NRG3: variants seen among roughly 807,000 people sequenced by gnomAD.
The protein encoded by NRG3 is pro-neuregulin-3, membrane-bound isoform.
In NRG3, 31 loss-of-function variants were observed where a neutral mutation model predicts 66.9. The observed-to-expected ratio is 0.46, with a 90% confidence interval of 0.35 to 0.63. The LOEUF (loss-of-function observed/expected upper bound fraction) is 0.63. Among genes scored for constraint, NRG3 ranks in the 20% least tolerant of loss-of-function variants. The pLI is 0.00. For synonymous variants in NRG3, 393 were observed against 359.4 expected (o/e 1.09, Z -1.06); for missense variants, 910 against 878.9 (o/e 1.04, Z -0.45).
chr10:82,585,606 A>G (rs1590772246), intron 2 of NRG3, among the ~76,000 whole-genome samples: 1 of 152,186 alleles, frequency 6.6e-6, no homozygotes, highest in Non-Finnish European at 1.5e-5. Context: ...AGATTCTTAA[A>G]TAGCCATTGC....
chr10:82,359,758 T>A (rs1184918347), intron 2 of NRG3, among the ~76,000 whole-genome samples: 1 of 152,184 alleles, frequency 6.6e-6, no homozygotes, highest in Non-Finnish European at 1.5e-5. Context: ...ACACAGTTAT[T>A]AAATTAATTA....
intron 1 of NRG3, among the ~76,000 whole-genome samples, chr10:82,245,260 G>C (rs191589749): frequency 1.3e-5 from 2 of 152,014 alleles, no homozygotes; most frequent in South Asian, 4.1e-4. Context: ...TTCACAATAG[G>C]GTTCTCACTC....
chr10:82,050,058 A>T (rs1259914619), intron 1 of NRG3, among the ~76,000 whole-genome samples: 1 of 151,968 alleles, frequency 6.6e-6, no homozygotes, highest in African/African-American at 2.4e-5. Flanking sequence ...GTTTTCTCTG[A>T]AACTTCAGTT....
intron 1 of NRG3, among the ~76,000 whole-genome samples, chr10:82,303,833 C>CACCA (rs1364635336): frequency 1.3e-5 from 2 of 151,890 alleles, no homozygotes; most frequent in Admixed American, 1.3e-4. Flanking sequence ...CACCACTGCA[C>CACCA]ACCAGCCTGG....
chr10:82,842,402 A>C (rs889243678), intron 3 of NRG3, among the ~76,000 whole-genome samples: 1 of 152,182 alleles, frequency 6.6e-6, no homozygotes, highest in Non-Finnish European at 1.5e-5. Flanking sequence ...AAAGTTGATG[A>C]AGCTGCATCA....
intron 1 of NRG3, among the ~76,000 whole-genome samples, chr10:82,084,235 A>AG (rs1286093124): frequency 1.3e-5 from 2 of 151,548 alleles, no homozygotes; most frequent in Non-Finnish European, 2.9e-5. Flanking sequence ...CTCAAAAACA[A>AG]AAAAGACACA....
intron 1 of NRG3, among the ~76,000 whole-genome samples, chr10:81,925,982 C>T (rs1389146635): frequency 1.3e-5 from 2 of 151,990 alleles, no homozygotes; most frequent in Non-Finnish European, 2.9e-5. Flanking sequence ...TGCTGAAGGA[C>T]CATGTTCAGC....
intron 7 of NRG3, among the ~76,000 whole-genome samples, chr10:82,976,772 C>T (rs1215573099): frequency 6.6e-6 from 1 of 152,066 alleles, no homozygotes; most frequent in East Asian, 1.9e-4. Context: ...ACTTGTGTCC[C>T]CTTCCTCCCT....
intron 2 of NRG3, among the ~76,000 whole-genome samples, chr10:82,378,816 C>A (rs2085427198): frequency 6.6e-6 from 1 of 152,044 alleles, no homozygotes; most frequent in Non-Finnish European, 1.5e-5. Flanking sequence ...GGTGATCCAC[C>A]CACCTCGGCC....
intron 1 of NRG3, among the ~76,000 whole-genome samples, chr10:81,967,121 C>T (rs2059760689): frequency 6.6e-6 from 1 of 151,442 alleles, no homozygotes; most frequent in African/African-American, 2.4e-5. Context: ...TTTAATAGGT[C>T]CCTAATATTC....
chr10:82,583,738 C>G (rs545694289), intron 2 of NRG3, among the ~76,000 whole-genome samples: 14 of 152,278 alleles, frequency 9.2e-5, no homozygotes, highest in African/African-American at 3.4e-4. Flanking sequence ...GGGCCTTCCA[C>G]TCGGTTGAGT....
intron 2 of NRG3, among the ~76,000 whole-genome samples, chr10:82,376,346 G>T (rs779482185): frequency 6.6e-6 from 1 of 152,204 alleles, no homozygotes; most frequent in Non-Finnish European, 1.5e-5. Context: ...TCCATGGGTA[G>T]CCCTGGTTGA....
chr10:82,646,986 T>G (rs1235768115), intron 2 of NRG3, among the ~76,000 whole-genome samples: 1 of 151,876 alleles, frequency 6.6e-6, no homozygotes. Context: ...CACCTTTATT[T>G]TTTTATGTTC....
chr10:81,876,533 A>G (rs1009299806), intron 1 of NRG3, among the ~76,000 whole-genome samples: 3 of 152,068 alleles, frequency 2.0e-5, no homozygotes, highest in African/African-American at 7.2e-5. Flanking sequence ...CCAGGGAGGG[A>G]GAGAGGGCCT....
intron 1 of NRG3, among the ~76,000 whole-genome samples, chr10:82,122,283 C>A (rs1408912233): frequency 1.3e-5 from 2 of 152,168 alleles, no homozygotes; most frequent in Non-Finnish European, 1.5e-5. Context: ...TTCTTCATAG[C>A]AGTCAGAAAT....
intron 2 of NRG3, among the ~76,000 whole-genome samples, chr10:82,597,196 G>A (rs758349563): frequency 7.9e-5 from 12 of 152,192 alleles, no homozygotes; most frequent in Non-Finnish European, 1.5e-4. Flanking sequence ...ATGTTTGCAT[G>A]TGGGGGAGCA....
chr10:81,976,569 A>C (rs1423652477), intron 1 of NRG3, among the ~76,000 whole-genome samples: 1 of 152,206 alleles, frequency 6.6e-6, no homozygotes, highest in Non-Finnish European at 1.5e-5. Context: ...AATGGAAAGA[A>C]ACACATTTTT....
At chr10:82,291,311 A>G (rs1424154712) in intron 1 of NRG3, among the ~76,000 whole-genome samples, 1 of 152,212 alleles carries the variant, frequency 6.6e-6, no homozygotes, top group Non-Finnish European at 1.5e-5. Flanking sequence ...GTACATACTG[A>G]AAATTTAAAA....
chr10:82,667,143 T>A (rs1410102869), intron 2 of NRG3, among the ~76,000 whole-genome samples: 2 of 152,138 alleles, frequency 1.3e-5, no homozygotes, highest in African/African-American at 4.8e-5. Flanking sequence ...GGGACTATAG[T>A]CCTCTGAACT....
Sources: allele counts gnomAD v4.1 joint callset (sites outside exome capture counted in the v4.1 genomes callset), GRCh38; gene constraint gnomAD v4.1.1; transcripts MANE v1.5; gene names NCBI Gene and HGNC (gene_info 2026-07-23, HGNC 2026-07-21).